FUT8: variants seen among roughly 807,000 people sequenced by gnomAD.
FUT8 encodes the protein fucosyltransferase 8.
In FUT8, 29 loss-of-function variants were observed where a neutral mutation model predicts 71.3. The observed-to-expected ratio is 0.41, with a 90% CI of 0.30 to 0.55. The LOEUF (loss-of-function observed/expected upper bound fraction) is 0.55, where lower values mean the gene tolerates loss of function less well. Ranked by LOEUF, FUT8 falls within the 20% of genes least tolerant of loss-of-function variation. The pLI is 0.34. For missense variants in FUT8, 544 were observed against 702.1 expected, an observed-to-expected ratio of 0.77 and a Z score of 2.55; for synonymous variants, 254 against 239.3, an observed-to-expected ratio of 1.06 and a Z score of -0.57.
chr14:65,682,688 C>T (rs1271296678), intron 7 of FUT8, among the ~76,000 whole-genome samples: 1 of 152,152 alleles, frequency 6.6e-6, no homozygotes, highest in Non-Finnish European at 1.5e-5. Context: ...CATGACATGC[C>T]AAGATACCAG....
the FUT8 span, among the ~76,000 whole-genome samples, chr14:65,364,286 C>T: frequency 5.9e-4 from 89 of 150,978 alleles, no homozygotes; most frequent in African/African-American, 2.1e-3. Context: ...CTTACTGCAA[C>T]CTCCACCTCC....
At chr14:65,376,029 T>C in the FUT8 span, among the ~76,000 whole-genome samples, 3 of 150,946 alleles carry the variant, frequency 2.0e-5, no homozygotes, top group Non-Finnish European at 4.4e-5. Flanking sequence ...AGGTGGAGGT[T>C]GCAGCAAGCC....
intron 7 of FUT8, among the ~76,000 whole-genome samples, chr14:65,674,798 A>G (rs1273368014): frequency 1.3e-5 from 2 of 152,188 alleles, no homozygotes; most frequent in Non-Finnish European, 2.9e-5. Flanking sequence ...TGCAGCAAAG[A>G]TCTGGTTGTG....
At chr14:65,366,197 G>A in the FUT8 span, among the ~76,000 whole-genome samples, 735 of 152,248 alleles carry the variant, frequency 4.8e-3, 1 homozygote, top group Non-Finnish European at 9.0e-3. Flanking sequence ...TATTCTAATA[G>A]AGAAGACAGT....
chr14:65,437,195 C>T (rs1204909000), intron 1 of FUT8, among the ~76,000 whole-genome samples: 1 of 152,136 alleles, frequency 6.6e-6, no homozygotes, highest in African/African-American at 2.4e-5. Flanking sequence ...GCTTTTACTT[C>T]TGTTTATTAG....
At chr14:65,486,225 A>G (rs1211832144) in intron 2 of FUT8, among the ~76,000 whole-genome samples, 4 of 152,238 alleles carry the variant, frequency 2.6e-5, no homozygotes, top group African/African-American at 4.8e-5. Flanking sequence ...TATTCTGCAT[A>G]TATAATAATA....
Position 65,727,250 on chromosome 14 carries a change from T to C in FUT8, c.1259+2927T>C, listed in dbSNP as rs545430760. On this transcript the variant is annotated intron_variant, in intron 9 of 10. Transcript: ENST00000673929. Reference sequence around the variant, plus strand: ...AGGCGGTGTCCCAGTAGGGACTCTGTGTGGGGGCTCTGACCCCACATTTTG... The same window carrying C: ...AGGCGGTGTCCCAGTAGGGACTCTGCGTGGGGGCTCTGACCCCACATTTTG... Among the ~76,000 whole-genome samples, 376 of 152,336 alleles carry C rather than the reference T, an allele frequency of 2.5e-3. 3 individuals are homozygous for C. The highest frequency in any genetic ancestry group is 5.0e-3 in the South Asian group (24 of 4,826).
At chr14:65,461,643 A>G (rs976225207) in intron 2 of FUT8, among the ~76,000 whole-genome samples, 1 of 152,216 alleles carries the variant, frequency 6.6e-6, no homozygotes, top group Non-Finnish European at 1.5e-5. Context: ...TAACTAGCTT[A>G]AGAAAGTTAC....
intron 7 of FUT8, among the ~76,000 whole-genome samples, chr14:65,672,258 A>G (rs1594883269): frequency 1.3e-5 from 2 of 152,216 alleles, no homozygotes; most frequent in Admixed American, 6.5e-5. Flanking sequence ...TGCCATGTCT[A>G]TTCCTAATAG....
At chr14:65,507,682 T>G (rs932787449) in intron 2 of FUT8, among the ~76,000 whole-genome samples, 3 of 152,344 alleles carry the variant, frequency 2.0e-5, no homozygotes, top group African/African-American at 7.2e-5. Context: ...TGTACCACAT[T>G]TTCTTTGTTC....
chr14:65,692,714 G>A (rs1348750489), intron 7 of FUT8, among the ~76,000 whole-genome samples: 1 of 149,150 alleles, frequency 6.7e-6, no homozygotes, highest in Non-Finnish European at 1.5e-5. Flanking sequence ...CTCAGACGGG[G>A]CGGCTGCCGG....
intron 3 of FUT8, among the ~76,000 whole-genome samples, chr14:65,601,602 G>C (rs17826724): frequency 0.15 from 22,522 of 151,998 alleles, 2,371 homozygotes; most frequent in East Asian, 0.51. Context: ...TTTAGCAGCT[G>C]AACTACTATG....
At chr14:65,692,143 G>C (rs965274406) in intron 7 of FUT8, among the ~76,000 whole-genome samples, 1 of 151,976 alleles carries the variant, frequency 6.6e-6, no homozygotes, top group East Asian at 2.0e-4. Context: ...GGTGGTGGCC[G>C]GGCAGAGGGG....
rs760318298 is a variant in FUT8 at position 65,742,114 on chromosome 14, A to G, written c.1432A>G (p.Ile478Val). 2.5e-6 allele frequency: 4 copies of G among 1,611,808 alleles called. No homozygotes were observed. The highest frequency in any genetic ancestry group is 3.4e-6 in the Non-Finnish European group (4 of 1,178,454). The change falls in exon 11 of 11, where the codon ATT becomes GTT. Residue 478 changes from isoleucine to valine, a missense_variant. By Grantham distance (29) the Ile-to-Val change is conservative (BLOSUM62 3). Coordinates refer to ENST00000673929, the MANE Select transcript of FUT8 (RefSeq NM_001371533.1). ...CAAGGTCTGTCGAGTTGCTTATGAA[A>G]TTATGCAAACACTACATCCTGATGC... ...SSQVCRVAYEIMQTLHPDASA... is the reference protein window; with the variant it reads ...SSQVCRVAYEVMQTLHPDASA...
At position 65,612,777 on chromosome 14, in the gene FUT8, G is replaced by A. The variant is rs970464361; in HGVS notation, c.204-3201G>A. Among the ~76,000 whole-genome samples the A allele has an allele frequency of 5.3e-5, 8 of 152,248 alleles. No homozygotes were observed. In the East Asian group the frequency reaches 1.5e-3, roughly 29 times the overall value. ...TCTCTGGTGATCACTGCCCTTTGTTGCCTGATTGCAATTTTATTAGATCAT... is the reference window on the plus strand; with the variant it reads ...TCTCTGGTGATCACTGCCCTTTGTTACCTGATTGCAATTTTATTAGATCAT... On this transcript the variant is annotated intron_variant, in intron 3 of 10. Transcript: ENST00000673929.
Position 65,603,867 on chromosome 14 carries a change from A to G in FUT8, c.204-12111A>G, listed in dbSNP as rs1239160704. On this transcript the variant is annotated intron_variant, in intron 3 of 10. Transcript: ENST00000673929. The surrounding 1 kb of genome is among the most constrained non-coding windows in gnomAD (Gnocchi z 4.5). ...AACCAAGCATCTGCTGCCTTCACCT[A>G]AAACATAAGGATTGACATAAACTTA... 6.6e-6 allele frequency among the ~76,000 whole-genome samples: 1 copy of G among 151,810 alleles called. No homozygotes were observed. Among genetic ancestry groups the G allele is most frequent in the Non-Finnish European group, 1.5e-5 (1 of 67,882 alleles).
intron 2 of FUT8, among the ~76,000 whole-genome samples, chr14:65,518,835 G>C (rs920854805): frequency 6.6e-6 from 1 of 152,128 alleles, no homozygotes; most frequent in African/African-American, 2.4e-5. Flanking sequence ...TTTCATTTTT[G>C]TAAAACGTTT....
chr14:65,526,347 G>A (rs1883467837), intron 2 of FUT8, among the ~76,000 whole-genome samples: 1 of 152,188 alleles, frequency 6.6e-6, no homozygotes, highest in Middle Eastern at 3.4e-3. Flanking sequence ...GATCTTTGTT[G>A]GTTTAAAGTC....
intron 1 of FUT8, among the ~76,000 whole-genome samples, chr14:65,427,743 A>T (rs1370317572): frequency 6.6e-6 from 1 of 152,296 alleles, no homozygotes; most frequent in East Asian, 1.9e-4. Flanking sequence ...AGTTCTAGTA[A>T]ATTTATATAG....
Sources: gnomAD v4.1 joint callset for allele counts (sites outside exome capture counted in the v4.1 genomes callset) on GRCh38, gnomAD v4.1.1 for gene constraint, Gnocchi (gnomAD v3.1) non-coding constraint, MANE v1.5 for transcripts, NCBI Gene and HGNC (gene_info 2026-07-23, HGNC 2026-07-21) for gene names.